Variants in PALM2AKAP2 observed in about 807,000 individuals in gnomAD.
The protein encoded by PALM2AKAP2 is PALM2-AKAP2 fusion protein.
In PALM2AKAP2, 37 loss-of-function variants were observed where a neutral mutation model predicts 71.5. That is an observed-to-expected ratio of 0.52 (90% CI 0.40 to 0.68). The LOEUF is 0.68. Among genes scored for constraint, PALM2AKAP2 ranks in the 30% least tolerant of loss-of-function variants. The pLI is 0.00. For missense variants in PALM2AKAP2, 1,224 were observed against 1,191.8 expected (o/e 1.03, Z -0.40); for synonymous variants, 468 against 478.8 (o/e 0.98, Z 0.29).
chr9:110,091,456 A>ATTTTTTTTTTTTT (rs1194438639), intron 1 of PALM2AKAP2, among the ~76,000 whole-genome samples: 1 of 67,424 alleles, frequency 1.5e-5, no homozygotes, highest in Non-Finnish European at 3.0e-5. Flanking sequence ...TTTGAGATTT[A>ATTTTTTTTTTTTT]TTCTTTTTTT....
At chr9:110,043,856 G>A (rs935790391), upstream of PALM2AKAP2, among the ~76,000 whole-genome samples, 29 of 151,418 alleles carry the variant, frequency 1.9e-4, no homozygotes, top group African/African-American at 6.6e-4. Context: ...AAGCAGCTGG[G>A]ATCACAAGCA....
chr9:109,753,725 T>G (rs1330043713), intron 1 of PALM2AKAP2, among the ~76,000 whole-genome samples: 1 of 152,184 alleles, frequency 6.6e-6, no homozygotes, highest in Non-Finnish European at 1.5e-5. Context: ...CAGTTAGAGA[T>G]TGTGCCTATC....
intron 6 of PALM2AKAP2, among the ~76,000 whole-genome samples, chr9:109,933,779 T>C (rs1831161839): frequency 6.6e-6 from 1 of 152,260 alleles, no homozygotes; most frequent in South Asian, 2.1e-4. Context: ...ATGCATCTAC[T>C]GTGGGATTAC....
chr9:109,857,219 C>G (rs1829191871), intron 1 of PALM2AKAP2, among the ~76,000 whole-genome samples: 1 of 152,216 alleles, frequency 6.6e-6, no homozygotes, highest in Non-Finnish European at 1.5e-5. Flanking sequence ...AGAGCATCTC[C>G]TCCATTCTTG....
chr9:110,068,465 C>T lies in PALM2AKAP2; in HGVS notation c.156+19610C>T, dbSNP rs1834132140. Among the ~76,000 whole-genome samples, 2 of 148,498 alleles carry T rather than the reference C, an allele frequency of 1.3e-5. 1 individual carries two copies. The highest frequency in any genetic ancestry group is 1.3e-4 in the Admixed American group (2 of 15,036). ...GCTCTAGTGGTGGGTCTGAGGTTTG[C>T]TCTAGTGGTGGGTCTGAGGTTTTCT... On this transcript the variant is annotated intron_variant, in intron 1 of 3. Transcript: ENST00000374525.
At chr9:109,917,941 A>G (rs895789085) in intron 3 of PALM2AKAP2, among the ~76,000 whole-genome samples, 1 of 152,182 alleles carries the variant, frequency 6.6e-6, no homozygotes, top group Admixed American at 6.5e-5. Flanking sequence ...TGCCATCCCC[A>G]ACCAAATAAG....
At chr9:110,024,957 C>G in intron 7 of PALM2AKAP2, 1 of 1,368,762 alleles carries the variant, frequency 7.3e-7, no homozygotes, top group Non-Finnish European at 1.0e-6. Flanking sequence ...GTGTGCTTCT[C>G]TGGGTGGAGC....
At chr9:110,056,963 A>G (rs956841402) in intron 1 of PALM2AKAP2, among the ~76,000 whole-genome samples, 1 of 152,210 alleles carries the variant, frequency 6.6e-6, no homozygotes, top group African/African-American at 2.4e-5. Flanking sequence ...AAAAGAGAAG[A>G]GATCGTTCCC....
chr9:109,653,554 T>A (rs187548919), intron 1 of PALM2AKAP2, among the ~76,000 whole-genome samples: 31 of 152,306 alleles, frequency 2.0e-4, no homozygotes, highest in African/African-American at 7.2e-4. Context: ...ACATTAATAA[T>A]AAGGTCTCAT....
At chr9:109,677,272 C>T (rs568270095) in intron 1 of PALM2AKAP2, among the ~76,000 whole-genome samples, 1 of 152,090 alleles carries the variant, frequency 6.6e-6, no homozygotes, top group African/African-American at 2.4e-5. Flanking sequence ...TTCACAGGAC[C>T]CAACTTAGAG....
At chr9:109,858,326 A>G (rs1472248979) in intron 1 of PALM2AKAP2, among the ~76,000 whole-genome samples, 2 of 150,134 alleles carry the variant, frequency 1.3e-5, no homozygotes, top group Non-Finnish European at 3.0e-5. Context: ...AGTGACCACT[A>G]TGTAAATGTT....
At chr9:109,867,000 C>T (rs1360131801) in intron 1 of PALM2AKAP2, 5 of 456,190 alleles carry the variant, frequency 1.1e-5, no homozygotes, top group Non-Finnish European at 1.3e-5. Context: ...AAATTTGAAA[C>T]AACGTCTGCT....
chr9:109,884,652 C>A (rs1301950865), intron 3 of PALM2AKAP2, among the ~76,000 whole-genome samples: 1 of 152,108 alleles, frequency 6.6e-6, no homozygotes, highest in East Asian at 1.9e-4. Flanking sequence ...TAAGGGAAAT[C>A]TTCATTACTC....
chr9:110,134,858 G>A (rs1328209659), intron 1 of PALM2AKAP2, among the ~76,000 whole-genome samples: 1 of 152,036 alleles, frequency 6.6e-6, no homozygotes, highest in African/African-American at 2.4e-5. Flanking sequence ...CCTAGGTGTT[G>A]TAAGGTCCTT....
intron 2 of PALM2AKAP2, among the ~76,000 whole-genome samples, chr9:110,149,819 T>G (rs1836267094): frequency 6.6e-6 from 1 of 152,198 alleles, no homozygotes; most frequent in Non-Finnish European, 1.5e-5. Context: ...ATGCATTATC[T>G]TACAGCTTTA....
intron 6 of PALM2AKAP2, among the ~76,000 whole-genome samples, chr9:109,990,980 G>A (rs1832470910): frequency 6.6e-6 from 1 of 152,166 alleles, no homozygotes; most frequent in South Asian, 2.1e-4. Context: ...TAGTAGGGAA[G>A]TCCTCTAAGT....
At chr9:110,053,545 A>AAAAG (rs1564280823) in intron 1 of PALM2AKAP2, among the ~76,000 whole-genome samples, 5 of 150,620 alleles carry the variant, frequency 3.3e-5, no homozygotes, top group South Asian at 2.1e-4. Context: ...AAAAAAAAAA[A>AAAAG]AAAGAAAAAA....
chr9:109,807,739 A>G lies in PALM2AKAP2; in HGVS notation c.45+27206A>G, dbSNP rs533888140. 5.9e-5 allele frequency among the ~76,000 whole-genome samples: 9 copies of G among 152,252 alleles called. No individual in the cohort carries two copies. The East Asian group carries it at 9.7e-4, about 16-fold the overall frequency. ...TAAAGGCACTAATTCACCCCCTGATATGGTTTAGCTATGTCCCGACCCAAA... is the reference window on the plus strand; with the variant it reads ...TAAAGGCACTAATTCACCCCCTGATGTGGTTTAGCTATGTCCCGACCCAAA... On this transcript the variant is annotated intron_variant, in intron 1 of 9. Transcript: ENST00000302798.
At chr9:110,079,589 G>GA (rs563292706) in intron 1 of PALM2AKAP2, among the ~76,000 whole-genome samples, 13 of 151,332 alleles carry the variant, frequency 8.6e-5, no homozygotes, top group South Asian at 2.1e-4. Context: ...AAGACTTGGG[G>GA]AAAAAAAAAT....
Sources: allele counts gnomAD v4.1 joint callset (sites outside exome capture counted in the v4.1 genomes callset), GRCh38; gene constraint gnomAD v4.1.1; transcripts MANE v1.5; gene names NCBI Gene and HGNC (gene_info 2026-07-23, HGNC 2026-07-21).